Variants in CCDC149 observed in about 807,000 individuals in gnomAD.
CCDC149 encodes the protein coiled-coil domain containing 149.
CCDC149 carries 45 observed loss-of-function variants against 59.9 expected under a neutral mutation model. That is an observed-to-expected ratio of 0.75 (90% confidence interval 0.59 to 0.96). The LOEUF (loss-of-function observed/expected upper bound fraction) is 0.96. Among genes scored for constraint, CCDC149 ranks in the 40% least tolerant of loss-of-function variants. The pLI, the probability that CCDC149 is intolerant of heterozygous loss-of-function variation, is 0.00. For missense variants in CCDC149, 584 were observed against 664.7 expected (o/e 0.88, Z 1.33); for synonymous variants, 245 against 260.6 (o/e 0.94, Z 0.58).
In CCDC149 at chr4:24,808,343, C is replaced by T; in HGVS notation, c.*46G>A. The T allele has an allele frequency of 7.1e-7, 1 of 1,413,008 alleles. No individual in the cohort carries two copies. Among genetic ancestry groups the T allele is most frequent in the Non-Finnish European group, 9.3e-7 (1 of 1,078,388 alleles). 87.5% of individuals were successfully genotyped at this position (1,413,008 alleles called of 1,614,324 possible). A position where few individuals can be genotyped will look rare whatever the true frequency, so the allele number is the denominator to read the frequency against. ...CCATTCCGATGCTTCATTCTTGACC[C>T]TCTCTGGGGCTTTCAATGTGTCATT... On this transcript the variant is annotated 3_prime_UTR_variant, in exon 13 of 13. Coordinates refer to ENST00000635206, the MANE Select transcript of CCDC149 (RefSeq NM_001330643.2).
intron 3 of CCDC149, among the ~76,000 whole-genome samples, chr4:24,870,904 G>A (rs745437281): frequency 6.6e-6 from 1 of 151,926 alleles, no homozygotes; most frequent in Non-Finnish European, 1.5e-5. Flanking sequence ...AATTAGCCGG[G>A]CATGGTGGCG....
At chr4:24,943,567 G>A (rs979192645) in intron 1 of CCDC149, among the ~76,000 whole-genome samples, 2 of 152,142 alleles carry the variant, frequency 1.3e-5, no homozygotes, top group African/African-American at 4.8e-5. Context: ...TTGACAAATG[G>A]GATCTAATGC....
intron 4 of CCDC149, among the ~76,000 whole-genome samples, chr4:24,844,729 C>T (rs1717161178): frequency 6.6e-6 from 1 of 152,106 alleles, no homozygotes; most frequent in South Asian, 2.1e-4. Context: ...GCCGAGATCA[C>T]ATACTGCACT....
rs748724226 is a variant in CCDC149, at chr4:24,837,262, T to TG, written c.627dup (p.Ile210HisfsTer3). 1 of 1,614,130 alleles carries TG rather than the reference T, an allele frequency of 6.2e-7. No homozygotes were observed. Among genetic ancestry groups the TG allele is most frequent in the South Asian group, 1.1e-5 (1 of 91,094 alleles). The stretch of plus-strand genomic sequence containing the variant: ...ATACACAGGGCGTCCACGTCAATGA[T>TG]GCGGTTCTCGTGCCCACTCAGGATA... On this transcript the variant is annotated frameshift_variant, in exon 6 of 13. Transcript: ENST00000635206. LOFTEE classifies it high-confidence loss of function. This position sits in a 1 kb window ranked among gnomAD's most constrained non-coding sequence, Gnocchi z 4.3.
intron 1 of CCDC149, among the ~76,000 whole-genome samples, chr4:24,888,764 C>T (rs779060274): frequency 6.6e-6 from 1 of 152,206 alleles, no homozygotes. Context: ...GCCTTTCCTG[C>T]CCACGCCTAT....
chr4:24,954,906 AT>A (rs1178408061), intron 1 of CCDC149, among the ~76,000 whole-genome samples: 2 of 152,182 alleles, frequency 1.3e-5, no homozygotes, highest in Non-Finnish European at 2.9e-5. Context: ...AATTATTTAC[AT>A]GGTTAAACTG....
In CCDC149 at chr4:24,831,635, G is replaced by A. The variant is rs1716160873; in HGVS notation, c.836C>T (p.Ser279Phe). Residue 279 changes from serine (S) to phenylalanine (F), a missense_variant, in exon 9 of 13, where the codon TCT becomes TTT. Transcript: ENST00000635206. Reference sequence around the variant, plus strand: ...TGGGAGGCTGCATCCATGATCCTCAGATAGCAGATCCTGAACTAGATAGGA... The same window carrying A: ...TGGGAGGCTGCATCCATGATCCTCAAATAGCAGATCCTGAACTAGATAGGA... 1.2e-6 allele frequency: 2 copies of A among 1,613,872 alleles called. No individual in the cohort carries two copies. The highest frequency in any genetic ancestry group is 1.3e-5 in the African/African-American group (1 of 74,906).
intron 1 of CCDC149, among the ~76,000 whole-genome samples, chr4:24,973,939 C>T (rs1347423330): frequency 6.6e-6 from 1 of 152,240 alleles, no homozygotes; most frequent in Admixed American, 6.5e-5. Context: ...TCCCCGAGCC[C>T]GGGAAGCCCG....
At chr4:24,973,130 T>C (rs914528430) in intron 1 of CCDC149, among the ~76,000 whole-genome samples, 1 of 152,218 alleles carries the variant, frequency 6.6e-6, no homozygotes, top group Non-Finnish European at 1.5e-5. Flanking sequence ...CCCTATGACC[T>C]GTAACCCTCC....
chr4:24,811,361 C>A (rs543231447), intron 12 of CCDC149, among the ~76,000 whole-genome samples: 22 of 152,078 alleles, frequency 1.4e-4, no homozygotes, highest in East Asian at 3.9e-4. Context: ...CTGCGTCCCC[C>A]CTGCTTGTGA....
intron 1 of CCDC149, among the ~76,000 whole-genome samples, chr4:24,938,963 T>A (rs1647644306): frequency 1.3e-5 from 2 of 152,208 alleles, no homozygotes; most frequent in Admixed American, 1.3e-4. Flanking sequence ...GCTCCACCTC[T>A]GGGGGCAGGG....
At chr4:24,929,558 G>A (rs142326743) in intron 1 of CCDC149, among the ~76,000 whole-genome samples, 1 of 152,208 alleles carries the variant, frequency 6.6e-6, no homozygotes, top group Non-Finnish European at 1.5e-5. Flanking sequence ...TGATTATGGA[G>A]AGTTTGAAAG....
chr4:24,819,621 C>A (rs1007975203), intron 12 of CCDC149, among the ~76,000 whole-genome samples: 1 of 152,198 alleles, frequency 6.6e-6, no homozygotes, highest in Non-Finnish European at 1.5e-5. Flanking sequence ...GCACCTGGCA[C>A]AGGGTCCTCA....
intron 2 of CCDC149, among the ~76,000 whole-genome samples, chr4:24,876,292 TACACACACACACACACACAC>T (rs61406129): frequency 1.4e-4 from 18 of 124,804 alleles, no homozygotes; most frequent in South Asian, 5.8e-4. Flanking sequence ...CATACACACG[TACACACACACACACACACAC>T]ACACACACAC....
At chr4:24,809,163 G>C (rs1230170761) in intron 12 of CCDC149, among the ~76,000 whole-genome samples, 1 of 152,152 alleles carries the variant, frequency 6.6e-6, no homozygotes, top group Non-Finnish European at 1.5e-5. Flanking sequence ...CAAAGGTTTT[G>C]TTGGTTCTGC....
chr4:24,822,644 T>C, intron 9 of CCDC149, 71 bp from the exon 10 acceptor site: 1 of 1,048,972 alleles, frequency 9.5e-7, no homozygotes, highest in Non-Finnish European at 1.4e-6. Flanking sequence ...GGAATCCCAC[T>C]GGTGCCCTAG....
At position 24,954,359 on chromosome 4, in the gene CCDC149, C is replaced by G. The variant is rs191568931; in HGVS notation, c.-65+25710G>C. Among the ~76,000 whole-genome samples, 296 of 152,302 alleles carry G rather than the reference C, an allele frequency of 1.9e-3. 7 individuals carry two copies. In the South Asian group the frequency reaches 0.048, roughly 25 times the overall value. On this transcript the variant is annotated intron_variant, in intron 1 of 12. Transcript: ENST00000389609. The stretch of plus-strand genomic sequence containing the variant: ...TGAGGTCTCAGGGATGGCCCTGCCC[C>G]CAAGACTCCACTATGTTTTGTGCTA...
rs544201624 is a variant in CCDC149 at position 24,877,822 on chromosome 4, C to T, written c.64-1125G>A. Among the ~76,000 whole-genome samples, 11 of 152,294 alleles carry T rather than the reference C, an allele frequency of 7.2e-5. No homozygotes were observed. In the South Asian group the frequency reaches 2.3e-3, roughly 32 times the overall value. On this transcript the variant is annotated intron_variant, in intron 1 of 12. Transcript: ENST00000635206. The stretch of plus-strand genomic sequence containing the variant: ...TCTCCTGCACCACGAACCACCCTCA[C>T]CTAAGTCTGACCCACCATACTGGCC...
chr4:24,958,104 T>C (rs1723520051), intron 1 of CCDC149, among the ~76,000 whole-genome samples: 1 of 152,202 alleles, frequency 6.6e-6, no homozygotes, highest in Non-Finnish European at 1.5e-5. Flanking sequence ...GTGGCAGATA[T>C]AGAAGCTCTT....
Sources: allele counts gnomAD v4.1 joint callset (sites outside exome capture counted in the v4.1 genomes callset), GRCh38; gene constraint gnomAD v4.1.1; non-coding constraint Gnocchi (gnomAD v3.1); transcripts MANE v1.5; gene names NCBI Gene and HGNC (gene_info 2026-07-23, HGNC 2026-07-21).